CCT8: variants seen among roughly 807,000 people sequenced by gnomAD.
CCT8 encodes the protein chaperonin containing TCP1 subunit 8.
A neutral mutation model predicts 65.7 loss-of-function variants in CCT8; 10 were observed. The ratio of observed to expected loss-of-function variants is 0.15; its 90% CI spans 0.09 to 0.26. The LOEUF (loss-of-function observed/expected upper bound fraction) is 0.26, where lower values mean the gene tolerates loss of function less well. Ranked by LOEUF, CCT8 falls within the 10% of genes least tolerant of loss-of-function variation. CCT8 has a pLI of 1.00. For missense variants in CCT8, 568 were observed against 669.1 expected, an observed-to-expected ratio of 0.85 and a Z score of 1.67; for synonymous variants, 199 against 221.8, an observed-to-expected ratio of 0.90 and a Z score of 0.92.
Position 29,069,528 on chromosome 21 carries a change from AAAAG to A in CCT8, c.152-30_152-27del, listed in dbSNP as rs760064119. 37 of 1,390,032 alleles carry A rather than the reference AAAAG, an allele frequency of 2.7e-5. 1 individual carries two copies. The highest frequency in any genetic ancestry group is 2.5e-4 in the South Asian group (18 of 73,244). The allele number at this position is 1,390,032 out of a possible 1,614,324, so 86.1% of individuals were successfully genotyped here. A position where few individuals can be genotyped will look rare whatever the true frequency, so the allele number is the denominator to read the frequency against. ...CTCAAAAGTAACAGTTAAAAAAAGA[AAAAG>A]AAAGCCATTATTAATCAAATCCTTC... On this transcript the variant is annotated intron_variant, in intron 2 of 14. Coordinates refer to ENST00000286788, the MANE Select transcript of CCT8 (RefSeq NM_006585.4).
In CCT8 at chr21:29,067,034, T is replaced by C; in HGVS notation, c.419A>G (p.His140Arg). 2 of 1,612,866 alleles carry C rather than the reference T, an allele frequency of 1.2e-6. No individual in the cohort carries two copies. The stretch of plus-strand genomic sequence containing the variant: ...ACATACCAAATTAGGAAGAATCTCA[T>C]GAGCTTTTCTGCAGGCTATTTCATA... The part of the protein sequence containing the change: ...EGYEIACRKA[H>R]EILPNLVCCS... The change falls in exon 5 of 15, where the codon CAT (histidine) becomes CGT (arginine). Residue 140 changes from histidine to arginine, a missense_variant. By Grantham distance (29) the His-to-Arg change is conservative. Transcript: ENST00000286788.
chr21:29,063,737 CT>C lies in CCT8; in HGVS notation c.763-208del, dbSNP rs1004901670. ...CCCCCTGTCAAAACAGATGCATCTG[CT>C]TTTGATAAGTACTTAGGTGGAAAAG... On this transcript the variant is annotated intron_variant, in intron 7 of 14. Coordinates refer to ENST00000286788, the MANE Select transcript of CCT8 (RefSeq NM_006585.4). 3.3e-5 allele frequency among the ~76,000 whole-genome samples: 5 copies of C among 152,142 alleles called. No homozygotes were observed. The South Asian group carries it at 1.0e-3, about 32-fold the overall frequency.
rs1436301718 is a variant in CCT8 at position 29,062,555 on chromosome 21, G to A, written c.943C>T (p.Leu315=). Reference sequence around the variant, plus strand: ...CTTCGGAGATCCCATTTTGAGTTTAGCCTTTAAAAAACACAAAGACCTTAA... The same window carrying A: ...CTTCGGAGATCCCATTTTGAGTTTAACCTTTAAAAAACACAAAGACCTTAA... ...ANKYNIMLVR[L]NSKWDLRRLC... The change falls in exon 9 of 15, where the codon CTA becomes TTA. Residue 315 remains leucine, a splice_region_variant and synonymous_variant. Coordinates refer to ENST00000286788, the MANE Select transcript of CCT8 (RefSeq NM_006585.4). The A allele has an allele frequency of 6.2e-7, 1 of 1,612,456 alleles. No homozygotes were observed.
chr21:29,063,454 A>T lies in CCT8; in HGVS notation c.839T>A (p.Val280Asp), dbSNP rs1237600617. ...TGCACCAGTATCAGCAATAGCTTTG[A>T]CTTGTGCATCCATGAGGTTTTCTTC... The part of the protein sequence containing the change: ...KGEENLMDAQ[V>D]KAIADTGANV... The change falls in exon 8 of 15, where the codon GTC (valine) becomes GAC (aspartate). Residue 280 changes from valine to aspartate, a missense_variant. By Grantham distance (152) the Val-to-Asp change is radical. Coordinates refer to ENST00000286788, the MANE Select transcript of CCT8 (RefSeq NM_006585.4). The T allele has an allele frequency of 6.2e-7, 1 of 1,613,994 alleles. No individual in the cohort carries two copies. The highest frequency in any genetic ancestry group is 8.5e-7 in the Non-Finnish European group (1 of 1,179,986).
intron 1 of CCT8, among the ~76,000 whole-genome samples, chr21:29,070,719 G>T (rs2085671171): frequency 6.6e-6 from 1 of 152,086 alleles, no homozygotes; most frequent in Admixed American, 6.5e-5. Flanking sequence ...CACATCAAAA[G>T]ACTTAAAATT....
chr21:29,058,778 G>A (rs1310031485), intron 14 of CCT8, among the ~76,000 whole-genome samples: 1 of 151,308 alleles, frequency 6.6e-6, no homozygotes, highest in Non-Finnish European at 1.5e-5. Context: ...TTTTTTAGTA[G>A]AGACGGGATT....
rs1481832402 is a variant in CCT8, at chr21:29,062,394, T to C, written c.1030A>G (p.Met344Val). 6.2e-7 allele frequency: 1 copy of C among 1,613,924 alleles called. No individual in the cohort carries two copies. The highest frequency in any genetic ancestry group is 8.5e-7 in the Non-Finnish European group (1 of 1,179,778). The change falls in exon 10 of 15, where the codon ATG becomes GTG. Residue 344 changes from methionine (M) to valine (V), a missense_variant. Physicochemically the swap from Met to Val is conservative, Grantham distance 21. Coordinates refer to ENST00000286788, the MANE Select transcript of CCT8 (RefSeq NM_006585.4). ...AGGTAAACACTGTCACAGTGTCCCA[T>C]TTCTTCAAGGACAGGAGGTGTCTGT... ...PRLTPPVLEEMGHCDSVYLSE... is the reference protein window; with the variant it reads ...PRLTPPVLEEVGHCDSVYLSE...
chr21:29,064,982 T>C lies in CCT8; in HGVS notation c.748A>G (p.Ile250Val). Residue 250 changes from isoleucine to valine, a missense_variant, in exon 7 of 15, where the codon ATA becomes GTA. Ile to Val is a conservative substitution (Grantham distance 29). Coordinates refer to ENST00000286788, the MANE Select transcript of CCT8 (RefSeq NM_006585.4). ...AVYSCPFDGM[I>V]TETKGTVLIK... ...AGTCTACATACCTTAGTTTCTGTTA[T>C]CATGCCATCAAAAGGACAAGAGTAC... 2.5e-5 allele frequency: 40 copies of C among 1,613,896 alleles called. No individual in the cohort carries two copies. The highest frequency in any genetic ancestry group is 3.4e-5 in the Non-Finnish European group (40 of 1,179,896).
chr21:29,067,929 G>C (rs1049722502), intron 3 of CCT8, among the ~76,000 whole-genome samples: 1 of 152,104 alleles, frequency 6.6e-6, no homozygotes, highest in South Asian at 2.1e-4. Context: ...GAATTTCAAA[G>C]TGCATCCTCT....
chr21:29,073,240 C>T (rs2853834), intron 1 of CCT8: 1,142,631 of 1,286,670 alleles, frequency 0.89, 509,089 homozygotes, highest in African/African-American at 0.96. Context: ...GCCCCATTTA[C>T]GGATGGAGGC....
chr21:29,064,536 G>C (rs780368676), intron 7 of CCT8, among the ~76,000 whole-genome samples: 1 of 150,920 alleles, frequency 6.6e-6, no homozygotes, highest in South Asian at 2.1e-4. Flanking sequence ...AAGAATTCTA[G>C]AGATGAAGTC....
At chr21:29,066,575 C>CA in intron 6 of CCT8, 141 bp downstream of exon 6, 3 of 533,704 alleles carry the variant, frequency 5.6e-6, no homozygotes, top group Non-Finnish European at 6.7e-6. Context: ...AATAATGCCT[C>CA]AAAAAAAGTC....
At chr21:29,070,389 C>T (rs569602983) in intron 1 of CCT8, 52 bp from the exon 2 acceptor site, 1 of 1,071,040 alleles carries the variant, frequency 9.3e-7, no homozygotes, top group East Asian at 2.5e-5. Flanking sequence ...GACAGTGAAA[C>T]AAAAATTTCA....
Position 29,056,688 on chromosome 21 carries a change from A to G in CCT8, c.1570-136T>C, listed in dbSNP as rs1169309174. The G allele has an allele frequency of 9.1e-6, 4 of 438,110 alleles. No individual in the cohort carries two copies. In the East Asian group the frequency reaches 1.4e-4, roughly 16 times the overall value. The allele number at this position is 438,110 out of a possible 1,614,324, so 27.1% of individuals were successfully genotyped here. On this transcript the variant is annotated intron_variant, in intron 14 of 14. Coordinates refer to ENST00000286788, the MANE Select transcript of CCT8 (RefSeq NM_006585.4). ...TGTACTGCATATAAAACACTACAGC[A>G]CAGAGTTTGCTAGCTCCCTTGTTAG... is the stretch of plus-strand genomic sequence containing the variant.
rs370808449 is a variant in CCT8, at chr21:29,061,303, G to A, written c.1399C>T (p.Leu467Phe). 2 of 1,613,870 alleles carry A rather than the reference G, an allele frequency of 1.2e-6. No individual in the cohort carries two copies. The highest frequency in any genetic ancestry group is 1.7e-6 in the Non-Finnish European group (2 of 1,179,818). ...TTTCCTTCTTGATGTACTGCATAAA[G>A]TTTAGAGATTACTTCATTGGCCTTA... ...GVKANEVISK[L>F]YAVHQEGNKN... The change falls in exon 13 of 15, where the codon CTT (leucine) becomes TTT (phenylalanine). Residue 467 changes from leucine to phenylalanine, a missense_variant. Coordinates refer to ENST00000286788, the MANE Select transcript of CCT8 (RefSeq NM_006585.4).
chr21:29,073,249 G>GTTTT, intron 1 of CCT8: 3 of 1,310,906 alleles, frequency 2.3e-6, no homozygotes, highest in Non-Finnish European at 2.9e-6. Context: ...ACGGATGGAG[G>GTTTT]CAAAACGCAC....
At chr21:29,068,895 TTTAA>T (rs2146439915) in intron 3 of CCT8, among the ~76,000 whole-genome samples, 1 of 152,382 alleles carries the variant, frequency 6.6e-6, no homozygotes, top group South Asian at 2.1e-4. Flanking sequence ...TATGTTATCC[TTTAA>T]TTACAAGGCG....
At chr21:29,057,777 T>TGAGATATGTATG (rs2085519035) in intron 14 of CCT8, among the ~76,000 whole-genome samples, 1 of 144,470 alleles carries the variant, frequency 6.9e-6, no homozygotes, top group African/African-American at 2.7e-5. Context: ...ATATATGATA[T>TGAGATATGTATG]ATATGAGATA....
At chr21:29,064,704 ATATTCTT>A (rs1468748263) in intron 7 of CCT8, among the ~76,000 whole-genome samples, 5 of 152,186 alleles carry the variant, frequency 3.3e-5, no homozygotes, top group African/African-American at 1.2e-4. Context: ...TCACATTCTC[ATATTCTT>A]TCACTTGCTG....
Sources: gnomAD v4.1 joint callset for allele counts (sites outside exome capture counted in the v4.1 genomes callset) on GRCh38, gnomAD v4.1.1 for gene constraint, MANE v1.5 for transcripts, NCBI Gene and HGNC (gene_info 2026-07-23, HGNC 2026-07-21) for gene names.